Variants in MYSM1 observed in about 807,000 individuals in gnomAD.
MYSM1 encodes the protein Myb like, SWIRM and MPN domains 1.
MYSM1 carries 51 observed loss-of-function variants against 116.0 expected under a neutral mutation model. The ratio of observed to expected loss-of-function variants is 0.44; its 90% CI spans 0.35 to 0.56. MYSM1 has a LOEUF of 0.56. MYSM1 is among the 20% of genes least tolerant of loss of function. The pLI, the probability that MYSM1 is intolerant of heterozygous loss-of-function variation, is 0.00. For synonymous variants in MYSM1, 313 were observed against 315.2 expected (o/e 0.99, Z 0.07); for missense variants, 900 against 974.9 (o/e 0.92, Z 1.02).
chr1:58,668,502 T>C, intron 14 of MYSM1, 130 bp downstream of exon 14: 1 of 1,371,900 alleles, frequency 7.3e-7, no homozygotes, highest in Non-Finnish European at 9.4e-7. Flanking sequence ...GACTTATTTT[T>C]AGATTCCTTG....
intron 18 of MYSM1, 35 bp from the exon 19 acceptor site, chr1:58,661,262 C>T (rs769337223): frequency 2.7e-5 from 41 of 1,543,106 alleles, no homozygotes; most frequent in African/African-American, 1.5e-4. Flanking sequence ...ACTGGTGAAA[C>T]GAATACTATA....
At position 58,656,289 on chromosome 1, in the gene MYSM1, A is replaced by G. The variant is rs1022463008; in HGVS notation, c.*3708T>C. The G allele has an allele frequency of 2.6e-5, 4 of 152,256 alleles. No individual in the cohort carries two copies. Among genetic ancestry groups the G allele is most frequent in the African/African-American group, 9.6e-5 (4 of 41,460 alleles). The allele number at this position is 152,256 out of a possible 1,614,324, so 9.4% of individuals were successfully genotyped here. A position where few individuals can be genotyped will look rare whatever the true frequency, so the allele number is the denominator to read the frequency against. ...CAGAAGACTGGGAGCAGCATTAAAT[A>G]GCTTCATGGAAACATGCATGGTCTG... On this transcript the variant is annotated 3_prime_UTR_variant, in exon 20 of 20. Transcript: ENST00000472487.
intron 9 of MYSM1, among the ~76,000 whole-genome samples, chr1:58,675,962 C>A (rs1005781833): frequency 1.2e-4 from 18 of 152,166 alleles, no homozygotes; most frequent in African/African-American, 4.3e-4. Context: ...TAAATTCTAT[C>A]TAGCTCAATA....
chr1:58,685,313 C>A, intron 6 of MYSM1, 62 bp from the exon 7 acceptor site: 1 of 1,039,142 alleles, frequency 9.6e-7, no homozygotes, highest in African/African-American at 1.8e-5. Flanking sequence ...ATAGTCCAAG[C>A]CACTACCACA....
chr1:58,682,559 AAAAT>A lies in MYSM1; in HGVS notation c.499-18_499-15del, dbSNP rs1197438470. 5.2e-6 allele frequency: 8 copies of A among 1,553,230 alleles called. No homozygotes were observed. Among genetic ancestry groups the A allele is most frequent in the Middle Eastern group, 1.7e-4 (1 of 5,796 alleles). On this transcript the variant is annotated splice_polypyrimidine_tract_variant and intron_variant, in intron 7 of 19. Coordinates refer to ENST00000472487, the MANE Select transcript of MYSM1 (RefSeq NM_001085487.3). ...ACCGCATTTGACCTTATTAAAAATC[AAAAT>A]AAAATCCCCATAATATTAAGATTTA...
intron 8 of MYSM1, among the ~76,000 whole-genome samples, chr1:58,680,026 CAA>C (rs6143231): frequency 3.1e-4 from 39 of 126,936 alleles, no homozygotes; most frequent in Middle Eastern, 4.6e-3. Context: ...GACTCTGTCT[CAA>C]AAAAAAAAAA....
At chr1:58,663,946 C>G (rs939127802) in intron 17 of MYSM1, among the ~76,000 whole-genome samples, 2 of 152,164 alleles carry the variant, frequency 1.3e-5, no homozygotes, top group Non-Finnish European at 2.9e-5. Context: ...TTTCCCATCT[C>G]TTAGCAATCG....
chr1:58,669,384 G>A lies in MYSM1; in HGVS notation c.1662-346C>T, dbSNP rs1329926437. ...TAACTGTCATGAGACCCAAAAAAAGGTTCAAGAAAGATGGAAGTTTATCAA... is the reference window on the plus strand; with the variant it reads ...TAACTGTCATGAGACCCAAAAAAAGATTCAAGAAAGATGGAAGTTTATCAA... On this transcript the variant is annotated intron_variant, in intron 12 of 19. Transcript: ENST00000472487. 3.9e-5 allele frequency among the ~76,000 whole-genome samples: 6 copies of A among 152,272 alleles called. No individual in the cohort carries two copies. The East Asian group carries it at 1.2e-3, about 29-fold the overall frequency.
chr1:58,697,246 G>C (rs1327284250), intron 1 of MYSM1, among the ~76,000 whole-genome samples: 2 of 125,274 alleles, frequency 1.6e-5, no homozygotes, highest in Non-Finnish European at 3.6e-5. Context: ...CTAGGGTACA[G>C]TGAAGAGATC....
In MYSM1 at chr1:58,677,035, G is replaced by A. The variant is rs2100634405; in HGVS notation, c.1281C>T (p.Tyr427=). 3.1e-6 allele frequency: 5 copies of A among 1,606,462 alleles called. No homozygotes were observed. In the South Asian group the frequency reaches 4.5e-5, roughly 14 times the overall value. ...CAGGACGTACTGAGGTCTTATTTAA[G>A]TATTTTGGTTTGCATATCTCCCTAA... is the stretch of plus-strand genomic sequence containing the variant. ...LDQWEICKPK[Y]LNKTSVRPGL... is the part of the protein sequence containing the mutation. Residue 427 remains tyrosine (Y), a synonymous_variant, in exon 9 of 20, where the codon TAC becomes TAT. Coordinates refer to ENST00000472487, the MANE Select transcript of MYSM1 (RefSeq NM_001085487.3).
In MYSM1 at chr1:58,657,129, A is replaced by C. The variant is rs1163890442; in HGVS notation, c.*2868T>G. 1.3e-5 allele frequency: 2 copies of C among 151,992 alleles called. No individual in the cohort carries two copies. The highest frequency in any genetic ancestry group is 4.8e-5 in the African/African-American group (2 of 41,380). 9.4% of individuals were successfully genotyped at this position (151,992 alleles called of 1,614,324 possible). A position where few individuals can be genotyped will look rare whatever the true frequency, so the allele number is the denominator to read the frequency against. Reference sequence around the variant, plus strand: ...TAAAATAATGGAGATGGAGAGTCTGAGCTTACTGATCCTGTTCCACTGGTT... The same window carrying C: ...TAAAATAATGGAGATGGAGAGTCTGCGCTTACTGATCCTGTTCCACTGGTT... On this transcript the variant is annotated 3_prime_UTR_variant, in exon 20 of 20. Transcript: ENST00000472487.
At position 58,689,106 on chromosome 1, in the gene MYSM1, G is replaced by A. The variant is rs1462070962; in HGVS notation, c.331C>T (p.Pro111Ser). Reference sequence around the variant, plus strand: ...ACTGAGTAACTGGCTGGTTTTGTAGGAGAGTGTACCCTGAGGGGAAAAAAA... The same window carrying A: ...ACTGAGTAACTGGCTGGTTTTGTAGAAGAGTGTACCCTGAGGGGAAAAAAA... Reference protein sequence around the residue: ...QKTAKIMVHSPTKPASYSVKW... With the variant: ...QKTAKIMVHSSTKPASYSVKW... The change falls in exon 6 of 20, where the codon CCT (proline) becomes TCT (serine). Residue 111 changes from proline to serine, a missense_variant. Physicochemically the swap from Pro to Ser is moderately conservative, Grantham distance 74 (BLOSUM62 -1). This residue lies in a region of MYSM1 where 622 missense variants were observed against 623.7 expected (regional missense o/e 1.00). Transcript: ENST00000472487. 5.0e-6 allele frequency: 8 copies of A among 1,609,152 alleles called. No homozygotes were observed. In the African/African-American group the frequency reaches 1.1e-4, roughly 22 times the overall value.
intron 7 of MYSM1, among the ~76,000 whole-genome samples, 174 bp from the exon 8 acceptor site, chr1:58,682,719 G>A (rs1418675791): frequency 2.1e-5 from 3 of 142,642 alleles, no homozygotes; most frequent in Non-Finnish European, 3.0e-5. Context: ...TTTTTGAGAC[G>A]GAGTCTCGCT....
In MYSM1 at chr1:58,661,220, G is replaced by A. The variant is rs1434404977; in HGVS notation, c.2278C>T (p.Pro760Ser). The A allele has an allele frequency of 3.1e-6, 5 of 1,612,580 alleles. No individual in the cohort carries two copies. The highest frequency in any genetic ancestry group is 4.2e-6 in the Non-Finnish European group (5 of 1,179,020). ...TCCCGGCGAAAGATTTTATCCATGG[G>A]GACGCTGCTGTAGGAAGAAATATGA... Reference protein sequence around the residue: ...EKYRLSHSSVPMDKIFRRDSD... With the variant: ...EKYRLSHSSVSMDKIFRRDSD... The change falls in exon 19 of 20, where the codon CCC becomes TCC. Residue 760 changes from proline to serine, a missense_variant. Pro to Ser is a moderately conservative substitution (Grantham distance 74, BLOSUM62 -1). Around this residue, in one of 3 missense-constraint regions of MYSM1, gnomAD observed 186 missense variants for 196.2 expected, o/e 0.95. Transcript: ENST00000472487.
chr1:58,671,892 T>C lies in MYSM1; in HGVS notation c.1639A>G (p.Lys547Glu). 1 of 1,613,458 alleles carries C rather than the reference T, an allele frequency of 6.2e-7. No individual in the cohort carries two copies. The highest frequency in any genetic ancestry group is 1.1e-5 in the South Asian group (1 of 91,026). Residue 547 changes from lysine to glutamate, a missense_variant, in exon 12 of 20, where the codon AAA (lysine) becomes GAA (glutamate). By Grantham distance (56) the Lys-to-Glu change is moderately conservative. This residue lies in a region of MYSM1 where 92 missense variants were observed against 155.0 expected (regional missense o/e 0.59). Coordinates refer to ENST00000472487, the MANE Select transcript of MYSM1 (RefSeq NM_001085487.3). ...EEKGRPVKSL[K>E]VPRPTKSSFD... Reference sequence around the variant, plus strand: ...CACCTTTTTGTTGGTCTTGGCACTTTTAAAGATTTAACAGGTCTGCCTTTT... The same window carrying C: ...CACCTTTTTGTTGGTCTTGGCACTTCTAAAGATTTAACAGGTCTGCCTTTT...
intron 10 of MYSM1, among the ~76,000 whole-genome samples, chr1:58,675,044 G>A (rs780703389): frequency 2.1e-5 from 3 of 146,246 alleles, no homozygotes; most frequent in Non-Finnish European, 3.0e-5. Context: ...TATGATTTAC[G>A]AATTTTAAAA....
intron 7 of MYSM1, among the ~76,000 whole-genome samples, chr1:58,682,777 G>A (rs976422779): frequency 2.6e-5 from 4 of 151,090 alleles, no homozygotes; most frequent in African/African-American, 9.8e-5. Context: ...GCCACTGCAA[G>A]CTCCAGCTCC....
chr1:58,690,826 T>C (rs1644894514), intron 3 of MYSM1, among the ~76,000 whole-genome samples: 1 of 152,180 alleles, frequency 6.6e-6, no homozygotes, highest in Non-Finnish European at 1.5e-5. Context: ...ATGGAGAATG[T>C]AATAGGTAAA....
chr1:58,673,844 T>C (rs893032176), intron 10 of MYSM1, among the ~76,000 whole-genome samples, 194 bp from the exon 11 acceptor site: 2 of 152,190 alleles, frequency 1.3e-5, no homozygotes, highest in South Asian at 4.1e-4. Context: ...GTTACAAATA[T>C]AATAAATCAG....
Sources: allele counts gnomAD v4.1 joint callset (sites outside exome capture counted in the v4.1 genomes callset), GRCh38; gene constraint gnomAD v4.1.1; regional missense constraint gnomAD v4.1.1; transcripts MANE v1.5; gene names NCBI Gene and HGNC (gene_info 2026-07-23, HGNC 2026-07-21).